Variants in NPAS3 observed in about 807,000 individuals in gnomAD.
NPAS3 encodes neuronal PAS domain protein 3.
A neutral mutation model predicts 73.1 loss-of-function variants in NPAS3; 14 were observed. The observed-to-expected ratio is 0.19, with a 90% CI of 0.13 to 0.30. The LOEUF is 0.30. NPAS3 is among the 10% of genes least tolerant of loss of function. NPAS3 has a pLI of 1.00. For synonymous variants in NPAS3, 620 were observed against 541.5 expected (o/e 1.14, Z -2.01); for missense variants, 1,096 against 1,250.0 (o/e 0.88, Z 1.86).
chr14:33,592,564 G>C (rs2139951838), intron 5 of NPAS3, among the ~76,000 whole-genome samples: 1 of 152,246 alleles, frequency 6.6e-6, no homozygotes, highest in Non-Finnish European at 1.5e-5. Context: ...CTGGCAGAAG[G>C]GCATCCTGGA....
chr14:32,964,160 T>TTA (rs1455176411), intron 1 of NPAS3, among the ~76,000 whole-genome samples: 2 of 75,442 alleles, frequency 2.7e-5, no homozygotes, highest in Admixed American at 1.8e-4. Flanking sequence ...TTTGCTGCAC[T>TTA]AAAAAAAAAA....
At chr14:33,671,230 T>C (rs1472838718) in intron 5 of NPAS3, among the ~76,000 whole-genome samples, 1 of 152,178 alleles carries the variant, frequency 6.6e-6, no homozygotes, top group Non-Finnish European at 1.5e-5. Flanking sequence ...AGTTAAAAAG[T>C]ATTGCTCACT....
chr14:33,425,133 T>A (rs1490786319), intron 4 of NPAS3, among the ~76,000 whole-genome samples: 1 of 151,960 alleles, frequency 6.6e-6, no homozygotes, highest in Non-Finnish European at 1.5e-5. Context: ...GGACCAGGCA[T>A]GAAAACATCT....
intron 4 of NPAS3, among the ~76,000 whole-genome samples, chr14:33,549,914 G>A (rs960444256): frequency 2.0e-5 from 3 of 152,094 alleles, no homozygotes; most frequent in African/African-American, 7.2e-5. Flanking sequence ...TTTCCAGCCA[G>A]AATAGTCATC....
chr14:33,515,595 C>T (rs934508312), intron 4 of NPAS3, among the ~76,000 whole-genome samples: 4 of 152,052 alleles, frequency 2.6e-5, no homozygotes, highest in Non-Finnish European at 2.9e-5. Context: ...CAGAGCATAT[C>T]GCCCACGAAT....
chr14:33,520,305 A>G (rs1038911768), intron 4 of NPAS3, among the ~76,000 whole-genome samples: 6 of 152,074 alleles, frequency 3.9e-5, no homozygotes, highest in African/African-American at 1.4e-4. Flanking sequence ...TGTTTATATC[A>G]AGAAAGCGCT....
chr14:33,573,878 G>A (rs2056330965), intron 5 of NPAS3, among the ~76,000 whole-genome samples: 1 of 152,168 alleles, frequency 6.6e-6, no homozygotes, highest in African/African-American at 2.4e-5. Context: ...ATTACATTAG[G>A]GCACACCAGT....
At chr14:33,729,803 C>A (rs2061357760) in intron 6 of NPAS3, among the ~76,000 whole-genome samples, 1 of 152,120 alleles carries the variant, frequency 6.6e-6, no homozygotes, top group Admixed American at 6.6e-5. Context: ...CCCACACCAA[C>A]TCGAGGGGAG....
At chr14:33,458,877 A>T (rs2050133515) in intron 4 of NPAS3, among the ~76,000 whole-genome samples, 1 of 152,206 alleles carries the variant, frequency 6.6e-6, no homozygotes, top group South Asian at 2.1e-4. Flanking sequence ...GGGTTCTTGG[A>T]TCTCGCACAA....
At chr14:33,721,092 C>T (rs751178392) in intron 6 of NPAS3, among the ~76,000 whole-genome samples, 15 of 152,240 alleles carry the variant, frequency 9.9e-5, no homozygotes, top group East Asian at 1.9e-4. Context: ...AACTTACATG[C>T]GTCTCCTAAA....
chr14:33,343,236 AAACTCTATT>A (rs1240609532), intron 3 of NPAS3, among the ~76,000 whole-genome samples: 4 of 152,088 alleles, frequency 2.6e-5, no homozygotes, highest in African/African-American at 9.7e-5. Context: ...GGCTTATTTG[AAACTCTATT>A]GAAATGAGTC....
intron 5 of NPAS3, among the ~76,000 whole-genome samples, chr14:33,593,889 C>T (rs909803915): frequency 1.3e-5 from 2 of 152,116 alleles, no homozygotes; most frequent in African/African-American, 4.8e-5. Flanking sequence ...TGCCATGGTT[C>T]TCTCAAAGCT....
chr14:33,467,877 A>G (rs752360360), intron 4 of NPAS3, among the ~76,000 whole-genome samples: 1 of 152,222 alleles, frequency 6.6e-6, no homozygotes, highest in Non-Finnish European at 1.5e-5. Context: ...ATGGTGTGAT[A>G]AATCATCATG....
chr14:33,754,956 A>G lies in NPAS3; in HGVS notation c.853-19381A>G, dbSNP rs183850206. On this transcript the variant is annotated intron_variant, in intron 7 of 11. Transcript: ENST00000356141. ...GACACAGCAGGACAAATCTTTAGAT[A>G]GGGACAGTGAGAGTTAGCCAAATGG... Among the ~76,000 whole-genome samples the G allele has an allele frequency of 4.4e-3, 664 of 152,346 alleles. 6 individuals are homozygous for G. Among genetic ancestry groups the G allele is most frequent in the African/African-American group, 0.015 (632 of 41,576 alleles).
At chr14:33,626,368 C>G (rs2058219798) in intron 5 of NPAS3, among the ~76,000 whole-genome samples, 1 of 152,024 alleles carries the variant, frequency 6.6e-6, no homozygotes, top group Non-Finnish European at 1.5e-5. Context: ...GTAAATATCC[C>G]AAATGTTGAA....
At chr14:33,022,869 T>C (rs1357011655) in intron 1 of NPAS3, among the ~76,000 whole-genome samples, 2 of 152,070 alleles carry the variant, frequency 1.3e-5, no homozygotes, top group East Asian at 3.9e-4. Context: ...TGTTTGTAAG[T>C]TTTTGTTCTG....
At chr14:33,139,199 C>T (rs1258108547) in intron 2 of NPAS3, among the ~76,000 whole-genome samples, 1 of 152,116 alleles carries the variant, frequency 6.6e-6, no homozygotes, top group African/African-American at 2.4e-5. Flanking sequence ...CATATAAAAT[C>T]AGATAAAACT....
chr14:33,007,938 T>C (rs967281962), intron 1 of NPAS3, among the ~76,000 whole-genome samples: 2 of 152,232 alleles, frequency 1.3e-5, no homozygotes, highest in Admixed American at 6.5e-5. Flanking sequence ...ACTCCGGTTC[T>C]AGTGTGAGGA....
At chr14:33,475,074 C>T (rs1296461679) in intron 4 of NPAS3, among the ~76,000 whole-genome samples, 1 of 152,000 alleles carries the variant, frequency 6.6e-6, no homozygotes, top group African/African-American at 2.4e-5. Context: ...CCTACCCTCT[C>T]AACCTTTAAT....
Sources: allele counts gnomAD v4.1 joint callset (sites outside exome capture counted in the v4.1 genomes callset), GRCh38; gene constraint gnomAD v4.1.1; transcripts MANE v1.5; gene names NCBI Gene and HGNC (gene_info 2026-07-23, HGNC 2026-07-21).